The following DCP2 variants were observed in gnomAD, a reference collection of about 807,000 sequenced individuals.
The protein encoded by DCP2 is m7GpppN-mRNA hydrolase.
In DCP2, 30 loss-of-function variants were observed where a neutral mutation model predicts 56.1. That is an observed-to-expected ratio of 0.53 (90% CI 0.40 to 0.73). The LOEUF (loss-of-function observed/expected upper bound fraction) is 0.73, where lower values mean the gene tolerates loss of function less well. Among genes scored for constraint, DCP2 ranks in the 30% least tolerant of loss-of-function variants. DCP2 has a pLI of 0.00. For synonymous variants in DCP2, 197 were observed against 163.3 expected (o/e 1.21, Z -1.57); for missense variants, 533 against 502.7 (o/e 1.06, Z -0.58).
Position 112,992,662 on chromosome 5 carries a change from T to A in DCP2, c.334-10T>A. ...GGCAAGTTTGATTTTTACTTCTGCT[T>A]GTTTTGTAGGTACTACTAGTTCAGG... On this transcript the variant is annotated splice_polypyrimidine_tract_variant and intron_variant, in intron 3 of 10. Transcript: ENST00000389063. The A allele has an allele frequency of 6.4e-7, 1 of 1,558,218 alleles. No individual in the cohort carries two copies. The highest frequency in any genetic ancestry group is 8.7e-7 in the Non-Finnish European group (1 of 1,153,034).
At position 113,019,970 on chromosome 5, in the gene DCP2, A is replaced by T; in HGVS notation, c.*6486A>T. 1 of 152,216 alleles carries T rather than the reference A, an allele frequency of 6.6e-6. No homozygotes were observed. The highest frequency in any genetic ancestry group is 1.5e-5 in the Non-Finnish European group (1 of 68,028). The allele number at this position is 152,216 out of a possible 1,614,324, so 9.4% of individuals were successfully genotyped here. On this transcript the variant is annotated 3_prime_UTR_variant, in exon 11 of 11. Transcript: ENST00000389063. ...TTGGATGGGAAAGTGGTAAGACTTG[A>T]CTTTTTAATACTGTGCCTATTTCCA...
At chr5:113,006,119 A>C (rs77345642) in intron 8 of DCP2, among the ~76,000 whole-genome samples, 1 of 146,374 alleles carries the variant, frequency 6.8e-6, no homozygotes, top group East Asian at 2.0e-4. Context: ...CCTATCTCCA[A>C]AAAAAAAAAA....
At chr5:112,997,611 T>C (rs887407066) in intron 4 of DCP2, among the ~76,000 whole-genome samples, 1 of 151,332 alleles carries the variant, frequency 6.6e-6, no homozygotes, top group African/African-American at 2.4e-5. Context: ...CTTTTTCTTT[T>C]TCTTTTTTTT....
At chr5:112,981,057 C>T (rs896978920) in intron 1 of DCP2, among the ~76,000 whole-genome samples, 7 of 151,940 alleles carry the variant, frequency 4.6e-5, no homozygotes, top group Non-Finnish European at 8.8e-5. Flanking sequence ...GGGTCTTGCA[C>T]CATTGCCCAG....
intron 6 of DCP2, 49 bp downstream of exon 6, chr5:113,001,518 C>T (rs753719085): frequency 1.2e-6 from 2 of 1,607,056 alleles, no homozygotes; most frequent in Admixed American, 1.7e-5. Context: ...GGATAGTCAT[C>T]TTCTGTCTGT....
At chr5:113,001,306 A>C (rs1398875611) in intron 5 of DCP2, 51 bp from the exon 6 acceptor site, 1 of 1,595,752 alleles carries the variant, frequency 6.3e-7, no homozygotes, top group Non-Finnish European at 8.5e-7. Context: ...ATCCTTTTAT[A>C]AGCTCCTTGA....
chr5:113,004,272 A>G (rs1749312013), intron 8 of DCP2, among the ~76,000 whole-genome samples, 195 bp downstream of exon 8: 1 of 152,080 alleles, frequency 6.6e-6, no homozygotes, highest in Non-Finnish European at 1.5e-5. Flanking sequence ...AATCCAGTTA[A>G]TAATAAGAAT....
chr5:112,978,652 ACT>A (rs1025434704), intron 1 of DCP2, among the ~76,000 whole-genome samples: 12 of 151,744 alleles, frequency 7.9e-5, no homozygotes, highest in African/African-American at 2.9e-4. Context: ...CAAATGAACC[ACT>A]GAAAAGGCAT....
At chr5:112,996,817 A>G (rs1010784546) in intron 4 of DCP2, among the ~76,000 whole-genome samples, 1 of 152,258 alleles carries the variant, frequency 6.6e-6, no homozygotes, top group Non-Finnish European at 1.5e-5. Flanking sequence ...TCAGTGAAAT[A>G]GATTTAGGAC....
intron 1 of DCP2, among the ~76,000 whole-genome samples, chr5:112,980,192 C>T (rs1747933606): frequency 6.6e-6 from 1 of 152,092 alleles, no homozygotes; most frequent in Admixed American, 6.5e-5. Context: ...AATTGAAAAG[C>T]AAGTTTTTAA....
chr5:113,010,207 A>ATTT (rs766144641), intron 9 of DCP2, among the ~76,000 whole-genome samples: 1 of 117,932 alleles, frequency 8.5e-6, no homozygotes, highest in Non-Finnish European at 1.8e-5. Context: ...TAATTCTTGT[A>ATTT]TTTTTTTTTT....
At chr5:112,982,832 T>C (rs959552753) in intron 1 of DCP2, among the ~76,000 whole-genome samples, 11 of 152,236 alleles carry the variant, frequency 7.2e-5, no homozygotes, top group Non-Finnish European at 1.2e-4. Context: ...TAAAAAACTT[T>C]CTTGTCATGC....
At position 113,017,179 on chromosome 5, in the gene DCP2, C is replaced by T. The variant is rs1171508629; in HGVS notation, c.*3695C>T. 6.6e-6 allele frequency: 1 copy of T among 152,124 alleles called. No homozygotes were observed. The highest frequency in any genetic ancestry group is 1.5e-5 in the Non-Finnish European group (1 of 68,022). The allele number at this position is 152,124 out of a possible 1,614,324, so 9.4% of individuals were successfully genotyped here. On this transcript the variant is annotated 3_prime_UTR_variant, in exon 11 of 11. Transcript: ENST00000389063. Reference sequence around the variant, plus strand: ...GGCAGTATTTTCTTTGTATGTTAATCATAGTTATAGTAAAGTCAGACTCAT... The same window carrying T: ...GGCAGTATTTTCTTTGTATGTTAATTATAGTTATAGTAAAGTCAGACTCAT...
chr5:112,993,325 G>C (rs888694951), intron 4 of DCP2, among the ~76,000 whole-genome samples: 3 of 152,026 alleles, frequency 2.0e-5, no homozygotes, highest in African/African-American at 7.3e-5. Flanking sequence ...TGATTGATTT[G>C]TTTCGGCCTT....
chr5:112,988,053 C>A (rs1748382639), intron 2 of DCP2, among the ~76,000 whole-genome samples: 1 of 152,074 alleles, frequency 6.6e-6, no homozygotes, highest in South Asian at 2.1e-4. Context: ...CTATCACTTT[C>A]CTTTAGCCTC....
At position 113,012,281 on chromosome 5, in the gene DCP2, G is replaced by A. The variant is rs80329257; in HGVS notation, c.1100-1040G>A. 8.1e-3 allele frequency among the ~76,000 whole-genome samples: 1,235 copies of A among 152,186 alleles called. 21 individuals carry two copies. Among genetic ancestry groups the A allele is most frequent in the African/African-American group, 0.029 (1,187 of 41,530 alleles). ...AGGCTGAGGCAAAAAGGTCACTTGC[G>A]CCCAGGAGGTTGAGGCTGAAGTGAG... On this transcript the variant is annotated intron_variant, in intron 10 of 10. Transcript: ENST00000389063.
chr5:113,012,574 A>C (rs541035829), intron 10 of DCP2, among the ~76,000 whole-genome samples: 11 of 152,260 alleles, frequency 7.2e-5, no homozygotes, highest in East Asian at 3.9e-4. Context: ...GGGGGGAAAA[A>C]ATCCCAGATA....
intron 9 of DCP2, 60 bp from the exon 10 acceptor site, chr5:113,010,696 G>C (rs1311800143): frequency 1.2e-5 from 17 of 1,411,300 alleles, no homozygotes; most frequent in Non-Finnish European, 1.6e-5. Flanking sequence ...TTTAATAAGT[G>C]AAATAACTGG....
intron 7 of DCP2, among the ~76,000 whole-genome samples, chr5:113,003,298 G>A (rs1749266226): frequency 6.6e-6 from 1 of 152,162 alleles, no homozygotes; most frequent in Non-Finnish European, 1.5e-5. Flanking sequence ...TTCGAGACTG[G>A]ATCTTTACTT....
Sources: gnomAD v4.1 joint callset for allele counts (sites outside exome capture counted in the v4.1 genomes callset) on GRCh38, gnomAD v4.1.1 for gene constraint, MANE v1.5 for transcripts, NCBI Gene and HGNC (gene_info 2026-07-23, HGNC 2026-07-21) for gene names.